Variants in KNL1 observed in about 807,000 individuals in gnomAD.
The protein encoded by KNL1 is kinetochore scaffold 1.
Under a neutral mutation model 201.3 loss-of-function variants are expected in KNL1, and 66 were observed. That is an observed-to-expected ratio of 0.33 (90% CI 0.27 to 0.40). KNL1 has a LOEUF of 0.40. Ranked by LOEUF, KNL1 falls within the 10% of genes least tolerant of loss-of-function variation. The pLI, the probability that KNL1 is intolerant of heterozygous loss-of-function variation, is 1.00. For synonymous variants in KNL1, 895 were observed against 899.2 expected (o/e 1.00, Z 0.08); for missense variants, 2,815 against 2,690.5 (o/e 1.05, Z -1.02).
Position 40,621,293 on chromosome 15 carries a change from T to C in KNL1, c.1029T>C (p.Thr343=). 1.9e-6 allele frequency: 3 copies of C among 1,613,920 alleles called. No individual in the cohort carries two copies. Among genetic ancestry groups the C allele is most frequent in the Non-Finnish European group, 2.5e-6 (3 of 1,179,920 alleles). Residue 343 remains threonine (T), a synonymous_variant, in exon 10 of 26, where the codon ACT becomes ACC. Coordinates refer to ENST00000399668, the MANE Select transcript of KNL1 (RefSeq NM_144508.5). ...ATTTTTCTGAAATAGAAAATCAAAC[T>C]CAGAATGCCATGGATGTAACAACAG... is the stretch of plus-strand genomic sequence containing the variant. ...TGNFSEIENQ[T]QNAMDVTTGY...
intron 1 of KNL1, among the ~76,000 whole-genome samples, chr15:40,602,501 T>TC (rs1482772595): frequency 2.7e-5 from 4 of 147,044 alleles, no homozygotes; most frequent in Non-Finnish European, 6.0e-5. Context: ...TTTTTTTTTT[T>TC]TGGAGACAGA....
At chr15:40,606,753 A>G (rs921419004) in intron 4 of KNL1, among the ~76,000 whole-genome samples, 1 of 151,878 alleles carries the variant, frequency 6.6e-6, no homozygotes, top group African/African-American at 2.4e-5. Context: ...ACATGCCATC[A>G]TACTTAGCTA....
chr15:40,655,794 T>A (rs1893711315), intron 22 of KNL1, among the ~76,000 whole-genome samples: 1 of 150,960 alleles, frequency 6.6e-6, no homozygotes, highest in African/African-American at 2.4e-5. Context: ...CTGGCGCCTG[T>A]AGTCCCAGCT....
rs1234232445 is a variant in KNL1, at chr15:40,623,277, A to T, written c.3013A>T (p.Ser1005Cys). Residue 1005 changes from serine to cysteine, a missense_variant, in exon 10 of 26, where the codon AGT (serine) becomes TGT (cysteine). Coordinates refer to ENST00000399668, the MANE Select transcript of KNL1 (RefSeq NM_144508.5). ...ESVFFPGNGE[S>C]DRLVANDSQL... ...TGTTTTCTTTCCAGGAAATGGTGAAAGTGACCGTCTAGTAGCAAATGACAG... is the reference window on the plus strand; with the variant it reads ...TGTTTTCTTTCCAGGAAATGGTGAATGTGACCGTCTAGTAGCAAATGACAG... 2.5e-6 allele frequency: 4 copies of T among 1,613,956 alleles called. No homozygotes were observed.
At chr15:40,609,379 C>CA (rs1337334056) in intron 5 of KNL1, among the ~76,000 whole-genome samples, 2 of 152,034 alleles carry the variant, frequency 1.3e-5, no homozygotes, top group Non-Finnish European at 2.9e-5. Flanking sequence ...AGTGTCATTG[C>CA]ACTCCAGCCT....
In KNL1 at chr15:40,662,287, G is replaced by T. The variant is rs1056420442; in HGVS notation, c.*99G>T. ...CTTTGTTTTTACGTCATTACAAGCT[G>T]AGTAAAATTCCTTCTGATGATGTTA... On this transcript the variant is annotated 3_prime_UTR_variant, in exon 26 of 26. Coordinates refer to ENST00000399668, the MANE Select transcript of KNL1 (RefSeq NM_144508.5). The T allele has an allele frequency of 2.8e-6, 2 of 704,118 alleles. No homozygotes were observed. The highest frequency in any genetic ancestry group is 5.1e-6 in the Non-Finnish European group (2 of 394,156). The allele number at this position is 704,118 out of a possible 1,614,324, so 43.6% of individuals were successfully genotyped here. A position where few individuals can be genotyped will look rare whatever the true frequency, so the allele number is the denominator to read the frequency against.
intron 13 of KNL1, among the ~76,000 whole-genome samples, chr15:40,637,042 T>A (rs1893074365): frequency 6.6e-6 from 1 of 150,808 alleles, no homozygotes; most frequent in African/African-American, 2.4e-5. Context: ...CTGATCGTCT[T>A]ATGCCTTTTT....
intron 20 of KNL1, 95 bp from the exon 21 acceptor site, chr15:40,651,910 G>A: frequency 8.6e-6 from 6 of 697,034 alleles, no homozygotes; most frequent in Non-Finnish European, 1.5e-5. Flanking sequence ...AAAAACATTA[G>A]CAGCTGCTGT....
intron 19 of KNL1, 22 bp from the exon 20 acceptor site, chr15:40,651,449 G>A (rs142222899): frequency 6.5e-7 from 1 of 1,539,436 alleles, no homozygotes; most frequent in Non-Finnish European, 8.8e-7. Flanking sequence ...TTATCTCTCT[G>A]AATACCTGCT....
Position 40,641,011 on chromosome 15 carries a change from C to T in KNL1, c.5782C>T (p.Arg1928Cys). ...QIYREDCEAR[R>C]QKIEELKLSA... ...TTATAGAGAAGATTGTGAGGCTCGT[C>T]GCCAAAAGATTGAAGAGTATGAAAG... Residue 1928 changes from arginine to cysteine, a missense_variant, in exon 14 of 26, where the codon CGC becomes TGC. Physicochemically the swap from Arg to Cys is radical, Grantham distance 180 (BLOSUM62 -3). Around this residue, in one of 3 missense-constraint regions of KNL1, gnomAD observed 2,464 missense variants for 2,291.7 expected, o/e 1.08. Coordinates refer to ENST00000399668, the MANE Select transcript of KNL1 (RefSeq NM_144508.5). 4 of 1,608,092 alleles carry T rather than the reference C, an allele frequency of 2.5e-6. No individual in the cohort carries two copies. The highest frequency in any genetic ancestry group is 2.6e-6 in the Non-Finnish European group (3 of 1,175,928).
chr15:40,637,767 C>T (rs1318626575), intron 13 of KNL1, among the ~76,000 whole-genome samples: 1 of 152,038 alleles, frequency 6.6e-6, no homozygotes, highest in African/African-American at 2.4e-5. Context: ...AAATTACTGT[C>T]AGGCTATGAG....
chr15:40,606,467 CA>C lies in KNL1; in HGVS notation c.135+18del. The C allele has an allele frequency of 7.1e-7, 1 of 1,399,386 alleles. No individual in the cohort carries two copies. Among genetic ancestry groups the C allele is most frequent in the South Asian group, 1.2e-5 (1 of 85,244 alleles). 86.7% of individuals were successfully genotyped at this position (1,399,386 alleles called of 1,614,324 possible). On this transcript the variant is annotated intron_variant, in intron 4 of 25. Coordinates refer to ENST00000399668, the MANE Select transcript of KNL1 (RefSeq NM_144508.5). ...AAAGAGTTCAGGTAAGTCTTTTGTG[CA>C]AATACTTTATAGATGACTATTTTCA... is the stretch of plus-strand genomic sequence containing the variant.
At chr15:40,638,989 T>TTA (rs1893142163) in intron 13 of KNL1, among the ~76,000 whole-genome samples, 2 of 149,574 alleles carry the variant, frequency 1.3e-5, no homozygotes, top group East Asian at 2.0e-4. Context: ...TTTTGTATTT[T>TTA]GTATTGTTGG....
At chr15:40,643,249 T>C (rs1391030025) in intron 14 of KNL1, 2 of 152,164 alleles carry the variant, frequency 1.3e-5, no homozygotes, top group Non-Finnish European at 2.9e-5. Context: ...CTCGGCTTAC[T>C]GAGAACTCTG....
At chr15:40,661,759 C>G (rs1893914918) in intron 25 of KNL1, among the ~76,000 whole-genome samples, 1 of 150,906 alleles carries the variant, frequency 6.6e-6, no homozygotes, top group East Asian at 2.0e-4. Context: ...ATTGATTAAC[C>G]TGGCTGGGCG....
chr15:40,641,567 A>G (rs1046199619), intron 14 of KNL1, among the ~76,000 whole-genome samples: 4 of 152,266 alleles, frequency 2.6e-5, no homozygotes, highest in African/African-American at 4.8e-5. Flanking sequence ...ATACGTAAGT[A>G]CTTTACACAA....
intron 8 of KNL1, among the ~76,000 whole-genome samples, chr15:40,617,850 C>G (rs1892391274): frequency 6.6e-6 from 1 of 151,540 alleles, no homozygotes; most frequent in African/African-American, 2.4e-5. Context: ...TCTTGTTCTT[C>G]TTTATACCTT....
At chr15:40,637,361 T>G (rs1400722410) in intron 13 of KNL1, among the ~76,000 whole-genome samples, 1 of 140,558 alleles carries the variant, frequency 7.1e-6, no homozygotes, top group Non-Finnish European at 1.6e-5. Context: ...TTGATTAGAT[T>G]AACAGCGTTT....
rs144939300 is a variant in KNL1, at chr15:40,622,877, T to G, written c.2613T>G (p.Asp871Glu). 34 of 1,613,090 alleles carry G rather than the reference T, an allele frequency of 2.1e-5. No homozygotes were observed. In the African/African-American group the frequency reaches 3.1e-4, roughly 15 times the overall value. The change falls in exon 10 of 26, where the codon GAT becomes GAG. Residue 871 changes from aspartate (D) to glutamate (E), a missense_variant. Physicochemically the swap from Asp to Glu is conservative, Grantham distance 45 (BLOSUM62 2). Around this residue, in one of 3 missense-constraint regions of KNL1, gnomAD observed 2,464 missense variants for 2,291.7 expected, o/e 1.08. Transcript: ENST00000399668. ...TATTTTCAGAAGACGATAAGAATGA[T>G]ATGGATATCACTAAGAGTTATACAA... The part of the protein sequence containing the change: ...TIVFSEDDKN[D>E]MDITKSYTIE...
Sources: allele counts gnomAD v4.1 joint callset (sites outside exome capture counted in the v4.1 genomes callset), GRCh38; gene constraint gnomAD v4.1.1; regional missense constraint gnomAD v4.1.1; transcripts MANE v1.5; gene names NCBI Gene and HGNC (gene_info 2026-07-23, HGNC 2026-07-21).